Variants in CLASP2 observed in about 807,000 individuals in gnomAD.
CLASP2 encodes CLIP-associating protein 2.
Under a neutral mutation model 194.4 loss-of-function variants are expected in CLASP2, and 47 were observed. The observed-to-expected ratio is 0.24, with a 90% CI of 0.19 to 0.31. The LOEUF (loss-of-function observed/expected upper bound fraction) is 0.31, where lower values mean the gene tolerates loss of function less well. Ranked by LOEUF, CLASP2 falls within the 10% of genes least tolerant of loss-of-function variation. The pLI is 1.00. For missense variants in CLASP2, 1,445 were observed against 1,823.6 expected, an observed-to-expected ratio of 0.79 and a Z score of 3.78; for synonymous variants, 619 against 633.5, an observed-to-expected ratio of 0.98 and a Z score of 0.34.
intron 6 of CLASP2, among the ~76,000 whole-genome samples, chr3:33,664,398 A>G (rs2085826005): frequency 6.6e-6 from 1 of 152,192 alleles, no homozygotes; most frequent in Non-Finnish European, 1.5e-5. Context: ...TTTAGTTGCC[A>G]AATGTTCTTC....
chr3:33,555,334 A>T (rs1173111097), intron 29 of CLASP2, among the ~76,000 whole-genome samples: 2 of 151,972 alleles, frequency 1.3e-5, no homozygotes, highest in Non-Finnish European at 2.9e-5. Flanking sequence ...CATACCGGGC[A>T]CAATTAAATT....
intron 29 of CLASP2, among the ~76,000 whole-genome samples, chr3:33,553,623 A>C (rs760875834): frequency 1.1e-3 from 162 of 152,344 alleles, no homozygotes; most frequent in Non-Finnish European, 1.6e-3. Context: ...AGTATTCATC[A>C]GGGAAAGGCA....
chr3:33,572,139 A>C lies in CLASP2; in HGVS notation c.2699+971T>G, dbSNP rs111584295. ...TGCCATTTAAAATGACCAACACATG[A>C]ATCCTATCCTTTTAGGTGTTAAGAC... On this transcript the variant is annotated intron_variant, in intron 25 of 38. Coordinates refer to ENST00000682230, the MANE Select transcript of CLASP2 (RefSeq NM_001365631.1). 6.3e-3 allele frequency among the ~76,000 whole-genome samples: 962 copies of C among 152,312 alleles called. 10 individuals carry two copies. The highest frequency in any genetic ancestry group is 0.022 in the African/African-American group (904 of 41,576).
At chr3:33,678,272 G>C (rs1236779495) in intron 6 of CLASP2, among the ~76,000 whole-genome samples, 1 of 151,946 alleles carries the variant, frequency 6.6e-6, no homozygotes, top group Non-Finnish European at 1.5e-5. Flanking sequence ...AGGAAGCTCA[G>C]AGAACACCAA....
intron 24 of CLASP2, among the ~76,000 whole-genome samples, chr3:33,575,432 G>A (rs1576641182): frequency 6.6e-6 from 1 of 152,112 alleles, no homozygotes; most frequent in Non-Finnish European, 1.5e-5. Flanking sequence ...AAACAAAGAT[G>A]AGGCCTCTTA....
At chr3:33,678,933 G>C (rs1485396607) in intron 6 of CLASP2, among the ~76,000 whole-genome samples, 2 of 152,098 alleles carry the variant, frequency 1.3e-5, no homozygotes, top group Non-Finnish European at 2.9e-5. Flanking sequence ...AAAATTTATA[G>C]GGAGAGGCAA....
At chr3:33,552,949 A>G (rs2060280034) in intron 29 of CLASP2, among the ~76,000 whole-genome samples, 1 of 152,216 alleles carries the variant, frequency 6.6e-6, no homozygotes, top group Non-Finnish European at 1.5e-5. Flanking sequence ...AAGAAACAGC[A>G]TATGACATAG....
At chr3:33,658,830 G>C in intron 7 of CLASP2, 1 of 677,122 alleles carries the variant, frequency 1.5e-6, no homozygotes, top group Non-Finnish European at 2.4e-6. Context: ...ATGCATAAAT[G>C]TACACACAAG....
chr3:33,577,217 C>G (rs769725395), intron 23 of CLASP2: 9 of 1,597,594 alleles, frequency 5.6e-6, no homozygotes, highest in East Asian at 2.2e-5. Context: ...GCCCCATACA[C>G]TTCGGGGGCG....
intron 29 of CLASP2, among the ~76,000 whole-genome samples, chr3:33,551,939 GTTTTTTTTT>G (rs557274011): frequency 3.8e-5 from 5 of 131,336 alleles, no homozygotes; most frequent in African/African-American, 1.4e-4. Flanking sequence ...GGGCAATATA[GTTTTTTTTT>G]TTTTTTTTGG....
intron 30 of CLASP2, 140 bp from the exon 31 acceptor site, chr3:33,544,981 A>C: frequency 3.6e-6 from 2 of 557,042 alleles, no homozygotes; most frequent in Non-Finnish European, 5.6e-6. Context: ...ATTTGCTTTC[A>C]AACTGTTTTG....
intron 26 of CLASP2, among the ~76,000 whole-genome samples, chr3:33,569,632 A>G (rs1486199607): frequency 6.6e-6 from 1 of 152,186 alleles, no homozygotes; most frequent in African/African-American, 2.4e-5. Flanking sequence ...TATAAGTTAC[A>G]AACTTTAAAA....
At chr3:33,698,871 T>C (rs2154352081) in intron 1 of CLASP2, among the ~76,000 whole-genome samples, 1 of 152,084 alleles carries the variant, frequency 6.6e-6, no homozygotes, top group East Asian at 1.9e-4. Flanking sequence ...TAAATACCAA[T>C]ATCAAGAATA....
At chr3:33,704,465 A>AT (rs2092569226) in intron 1 of CLASP2, among the ~76,000 whole-genome samples, 4 of 152,268 alleles carry the variant, frequency 2.6e-5, no homozygotes, top group South Asian at 4.1e-4. Context: ...AGATATACAA[A>AT]TGGCAGCCAG....
chr3:33,612,865 GT>G (rs1467026261), intron 12 of CLASP2, among the ~76,000 whole-genome samples: 1 of 152,106 alleles, frequency 6.6e-6, no homozygotes, highest in Non-Finnish European at 1.5e-5. Context: ...TAGAGAATAG[GT>G]TAGTCATGAT....
intron 34 of CLASP2, among the ~76,000 whole-genome samples, chr3:33,520,102 C>T (rs2052558946): frequency 6.6e-6 from 1 of 152,198 alleles, no homozygotes; most frequent in Non-Finnish European, 1.5e-5. Flanking sequence ...CAACCTCCAC[C>T]TCCAAGGTTC....
intron 34 of CLASP2, among the ~76,000 whole-genome samples, chr3:33,522,837 G>A (rs1218686011): frequency 6.6e-6 from 1 of 152,194 alleles, no homozygotes; most frequent in Non-Finnish European, 1.5e-5. Context: ...TTGGGAGGCT[G>A]AGGCGGGCGG....
At chr3:33,690,684 A>G (rs1016329418) in intron 2 of CLASP2, among the ~76,000 whole-genome samples, 2 of 152,180 alleles carry the variant, frequency 1.3e-5, no homozygotes, top group East Asian at 1.9e-4. Flanking sequence ...TAAACAACTC[A>G]TAAGTTTTAA....
intron 32 of CLASP2, 93 bp from the exon 33 acceptor site, chr3:33,539,035 G>C (rs527329594): frequency 1.8e-5 from 16 of 912,936 alleles, no homozygotes; most frequent in Non-Finnish European, 2.3e-5. Flanking sequence ...ATAAAGACAG[G>C]ATTAGAGAAT....
Sources: allele counts gnomAD v4.1 joint callset (sites outside exome capture counted in the v4.1 genomes callset), GRCh38; gene constraint gnomAD v4.1.1; transcripts MANE v1.5; gene names NCBI Gene and HGNC (gene_info 2026-07-23, HGNC 2026-07-21).